GNG7: variants seen among roughly 807,000 people sequenced by gnomAD.
GNG7 encodes guanine nucleotide-binding protein G(I)/G(S)/G(O) subunit gamma-7.
Under a neutral mutation model 4.0 loss-of-function variants are expected in GNG7, and 1 was observed. The ratio of observed to expected loss-of-function variants is 0.25; its 90% CI spans 0.09 to 1.18. GNG7 has a LOEUF of 1.18. Ranked by LOEUF, GNG7 falls within the 50% of genes most tolerant of loss-of-function variation. The probability of loss-of-function intolerance (pLI) is 0.50; values close to 1 mark genes in which losing one functional copy is unlikely to be tolerated. For missense variants in GNG7, 86 were observed against 91.9 expected (o/e 0.94, Z 0.26); for synonymous variants, 34 against 36.9 (o/e 0.92, Z 0.29).
intron 2 of GNG7, among the ~76,000 whole-genome samples, chr19:2,586,491 G>A (rs1257864723): frequency 1.3e-5 from 2 of 152,140 alleles, no homozygotes; most frequent in Non-Finnish European, 2.9e-5. Context: ...TGGTGACCTC[G>A]GTCCCCCAAG....
intron 2 of GNG7, among the ~76,000 whole-genome samples, chr19:2,593,401 T>C (rs1980910184): frequency 1.3e-5 from 2 of 152,166 alleles, no homozygotes; most frequent in South Asian, 4.1e-4. Context: ...TTTAAAATAT[T>C]CGTTCTATAT....
chr19:2,569,971 T>C (rs1383406318), intron 2 of GNG7, among the ~76,000 whole-genome samples: 3 of 152,140 alleles, frequency 2.0e-5, no homozygotes, highest in Admixed American at 2.0e-4. Context: ...GGGCCAATGT[T>C]TGTGCCTCCG....
At chr19:2,668,434 T>G (rs1599452429) in intron 1 of GNG7, among the ~76,000 whole-genome samples, 3 of 146,636 alleles carry the variant, frequency 2.0e-5, no homozygotes, top group East Asian at 2.0e-4. Flanking sequence ...ATGGGAGGGG[T>G]GGGGGAACCA....
In GNG7 at chr19:2,617,679, C is replaced by G. The variant is rs965350334; in HGVS notation, c.-78+28545G>C. 1.8e-4 allele frequency among the ~76,000 whole-genome samples: 28 copies of G among 152,032 alleles called. 1 individual carries two copies. Among genetic ancestry groups the G allele is most frequent in the African/African-American group, 6.8e-4 (28 of 41,404 alleles). On this transcript the variant is annotated intron_variant, in intron 2 of 4. Transcript: ENST00000382159. The surrounding 1 kb of genome is among the most constrained non-coding windows in gnomAD (Gnocchi z 4.7). Reference sequence around the variant, plus strand: ...CTGGACACCACGTGGCACAGACTCTCTCCTCTTGGTGCCACCTCATCCTAT... The same window carrying G: ...CTGGACACCACGTGGCACAGACTCTGTCCTCTTGGTGCCACCTCATCCTAT...
chr19:2,608,556 C>T (rs1324865801), intron 2 of GNG7, among the ~76,000 whole-genome samples: 1 of 152,228 alleles, frequency 6.6e-6, no homozygotes, highest in Non-Finnish European at 1.5e-5. Context: ...GAGTCATCTG[C>T]AGAGTCACGA....
At chr19:2,686,648 G>A (rs1424706908) in intron 1 of GNG7, among the ~76,000 whole-genome samples, 2 of 152,132 alleles carry the variant, frequency 1.3e-5, no homozygotes, top group African/African-American at 4.8e-5. Flanking sequence ...AGTGTTTGCC[G>A]CCAAGATGGG....
intron 4 of GNG7, among the ~76,000 whole-genome samples, chr19:2,518,639 G>A (rs1568229302): frequency 2.0e-5 from 3 of 152,174 alleles, no homozygotes; most frequent in South Asian, 4.2e-4. Flanking sequence ...AGCAAGGGCC[G>A]GTCACCCCTT....
intron 4 of GNG7, 69 bp from the exon 5 acceptor site, chr19:2,515,216 G>A: frequency 6.3e-7 from 1 of 1,592,926 alleles, no homozygotes; most frequent in Non-Finnish European, 8.5e-7. Flanking sequence ...GTTCACAGCA[G>A]CACCATTCCC....
chr19:2,615,639 A>G (rs1314841927), intron 2 of GNG7, among the ~76,000 whole-genome samples: 1 of 148,568 alleles, frequency 6.7e-6, no homozygotes, highest in Non-Finnish European at 1.5e-5. Flanking sequence ...ATTTTTTTGT[A>G]TTTTTAGTAG....
chr19:2,643,780 C>T (rs1210805976), intron 2 of GNG7: 8 of 380,562 alleles, frequency 2.1e-5, no homozygotes, highest in Middle Eastern at 7.9e-4. Context: ...CTAAGGGTTG[C>T]CATTCATTTC....
chr19:2,672,050 C>CAAAAA (rs528016536), intron 1 of GNG7, among the ~76,000 whole-genome samples: 1 of 87,170 alleles, frequency 1.1e-5, no homozygotes, highest in Non-Finnish European at 2.1e-5. Flanking sequence ...GACTCCGTCT[C>CAAAAA]AAAAAAAAAA....
intron 2 of GNG7, among the ~76,000 whole-genome samples, chr19:2,612,845 A>G (rs1247007953): frequency 2.6e-5 from 4 of 151,338 alleles, no homozygotes; most frequent in African/African-American, 9.7e-5. Flanking sequence ...GGTACCCACC[A>G]CCACACCCGG....
chr19:2,539,453 C>T lies in GNG7; in HGVS notation c.-38+15696G>A, dbSNP rs544581677. 2.1e-4 allele frequency among the ~76,000 whole-genome samples: 32 copies of T among 151,916 alleles called. No individual in the cohort carries two copies. In the East Asian group the frequency reaches 5.6e-3, roughly 27 times the overall value. Reference sequence around the variant, plus strand: ...CCGAGCAGCTGGGATTACAGGTGTCCGCCACCACGCCTGGCTAATTTTTGT... The same window carrying T: ...CCGAGCAGCTGGGATTACAGGTGTCTGCCACCACGCCTGGCTAATTTTTGT... On this transcript the variant is annotated intron_variant, in intron 3 of 4. Coordinates refer to ENST00000382159, the MANE Select transcript of GNG7 (RefSeq NM_052847.3).
chr19:2,651,553 CTT>C (rs1267629337), intron 1 of GNG7, among the ~76,000 whole-genome samples: 2 of 145,008 alleles, frequency 1.4e-5, no homozygotes, highest in Non-Finnish European at 1.5e-5. Context: ...TTCTCTCTCC[CTT>C]TCTCTCTCTC....
intron 3 of GNG7, among the ~76,000 whole-genome samples, chr19:2,552,940 G>C (rs749023595): frequency 8.7e-5 from 13 of 149,022 alleles, no homozygotes; most frequent in Non-Finnish European, 1.8e-4. Context: ...GCTGCCTTAA[G>C]GAACCAGAAA....
intron 3 of GNG7, among the ~76,000 whole-genome samples, chr19:2,554,559 A>ATATT (rs1196558078): frequency 3.7e-4 from 48 of 130,140 alleles, no homozygotes; most frequent in African/African-American, 1.2e-3. Flanking sequence ...ATATATATAT[A>ATATT]TTTTTTTTTT....
intron 2 of GNG7, among the ~76,000 whole-genome samples, chr19:2,605,294 G>A (rs1017019934): frequency 1.3e-5 from 2 of 152,108 alleles, no homozygotes; most frequent in East Asian, 3.9e-4. Context: ...CGCCTCCTGG[G>A]TTCAAGTGAT....
rs116985921 is a variant in GNG7 at position 2,577,013 on chromosome 19, G to A, written c.-77-21825C>T. Among the ~76,000 whole-genome samples, 751 of 152,350 alleles carry A rather than the reference G, an allele frequency of 4.9e-3. 8 individuals are homozygous for A. Among genetic ancestry groups the A allele is most frequent in the Non-Finnish European group, 5.8e-3 (395 of 68,040 alleles). Reference sequence around the variant, plus strand: ...TTTGCTCTTAAGTCATTCACGCTACGTGAGTCACCAGGGCTGTCCCGTGTG... The same window carrying A: ...TTTGCTCTTAAGTCATTCACGCTACATGAGTCACCAGGGCTGTCCCGTGTG... On this transcript the variant is annotated intron_variant, in intron 2 of 4. Coordinates refer to ENST00000382159, the MANE Select transcript of GNG7 (RefSeq NM_052847.3).
At chr19:2,522,154 G>T (rs1978312357) in intron 3 of GNG7, among the ~76,000 whole-genome samples, 1 of 152,118 alleles carries the variant, frequency 6.6e-6, no homozygotes, top group Non-Finnish European at 1.5e-5. Context: ...GGAGGCCACG[G>T]ATGCTGCTCA....
Sources: allele counts gnomAD v4.1 joint callset (sites outside exome capture counted in the v4.1 genomes callset), GRCh38; gene constraint gnomAD v4.1.1; non-coding constraint Gnocchi (gnomAD v3.1); transcripts MANE v1.5; gene names NCBI Gene and HGNC (gene_info 2026-07-23, HGNC 2026-07-21).